Variants in STON2 observed in about 807,000 individuals in gnomAD.
STON2 encodes stonin-2.
Under a neutral mutation model 65.7 loss-of-function variants are expected in STON2, and 29 were observed. The observed-to-expected ratio is 0.44, with a 90% CI of 0.33 to 0.60. STON2 has a LOEUF of 0.60. Ranked by LOEUF, STON2 falls within the 20% of genes least tolerant of loss-of-function variation. STON2 has a pLI of 0.03. For missense variants in STON2, 1,054 were observed against 1,118.1 expected (o/e 0.94, Z 0.82); for synonymous variants, 404 against 414.2 (o/e 0.98, Z 0.30).
At chr14:81,379,349 C>T (rs2140389921) in intron 3 of STON2, among the ~76,000 whole-genome samples, 1 of 151,800 alleles carries the variant, frequency 6.6e-6, no homozygotes, top group East Asian at 1.9e-4. Context: ...GGAAGTATTT[C>T]TAAAGTTTAT....
intron 5 of STON2, among the ~76,000 whole-genome samples, chr14:81,297,624 T>A (rs992423540): frequency 6.6e-6 from 1 of 152,252 alleles, no homozygotes; most frequent in Non-Finnish European, 1.5e-5. Context: ...TTTAAATTAT[T>A]TTCATTATTA....
chr14:81,398,282 A>T lies in STON2; in HGVS notation c.88+13T>A. The T allele has an allele frequency of 1.3e-6, 2 of 1,597,286 alleles. No homozygotes were observed. The highest frequency in any genetic ancestry group is 1.7e-6 in the Non-Finnish European group (2 of 1,167,062). ...ACAATCTCTTCACTTTAGGAAACGA[A>T]GGCACTCCTTACCCTGCGAGTGGGC... On this transcript the variant is annotated intron_variant, in intron 2 of 7. Coordinates refer to ENST00000614646, the MANE Select transcript of STON2 (RefSeq NM_001394390.1).
In STON2 at chr14:81,308,781, CATATATATATATATATATAT is replaced by C. The variant is rs57821672; in HGVS notation, c.742+15216_742+15235del. 6.5e-4 allele frequency among the ~76,000 whole-genome samples: 6 copies of C among 9,178 alleles called. 1 individual carries two copies. The East Asian group carries it at 8.7e-3, about 13-fold the overall frequency. 6.0% of individuals were successfully genotyped at this position (9,178 alleles called of 152,430 possible). Reference sequence around the variant, plus strand: ...TTCACCCAGAGGACATGGTTTTACCCATATATATATATATATATATATATATATATATATATATATATATG... The same window carrying C: ...TTCACCCAGAGGACATGGTTTTACCCATATATATATATATATATATATATG... On this transcript the variant is annotated intron_variant, in intron 5 of 7. Coordinates refer to ENST00000614646, the MANE Select transcript of STON2 (RefSeq NM_001394390.1).
At chr14:81,300,361 T>C (rs1398297521) in intron 5 of STON2, among the ~76,000 whole-genome samples, 23 of 152,012 alleles carry the variant, frequency 1.5e-4, no homozygotes, top group Admixed American at 1.4e-3. Flanking sequence ...GAAAAATATC[T>C]CCATGACCTT....
chr14:81,281,767 A>G (rs1595288395), intron 5 of STON2, among the ~76,000 whole-genome samples: 1 of 152,222 alleles, frequency 6.6e-6, no homozygotes, highest in Non-Finnish European at 1.5e-5. Context: ...GCCAAGTCCT[A>G]AACAGTTTTG....
chr14:81,302,520 T>C (rs1450671027), intron 5 of STON2, among the ~76,000 whole-genome samples: 1 of 152,262 alleles, frequency 6.6e-6, no homozygotes, highest in East Asian at 1.9e-4. Context: ...GGTTCTATAC[T>C]GACATTTCTA....
At chr14:81,408,969 T>C (rs80314247) in intron 2 of STON2, among the ~76,000 whole-genome samples, 4,207 of 152,336 alleles carry the variant, frequency 0.028, 209 homozygotes, top group African/African-American at 0.096. Context: ...TTAACTCCAC[T>C]TCATATTTTT....
intron 5 of STON2, among the ~76,000 whole-genome samples, chr14:81,296,339 G>A (rs1895760337): frequency 6.6e-6 from 1 of 152,170 alleles, no homozygotes. Flanking sequence ...TTTGATTCCT[G>A]TTGACATTTA....
chr14:81,410,933 G>C (rs550138010), intron 2 of STON2, among the ~76,000 whole-genome samples: 103 of 152,180 alleles, frequency 6.8e-4, no homozygotes, highest in Non-Finnish European at 1.1e-3. Flanking sequence ...AATAAACAAA[G>C]ACAATGCAAA....
intron 1 of STON2, among the ~76,000 whole-genome samples, chr14:81,433,388 G>A (rs1902291992): frequency 6.6e-6 from 1 of 152,152 alleles, no homozygotes; most frequent in Non-Finnish European, 1.5e-5. Flanking sequence ...ATCTGACCCT[G>A]TCAAAGCCCA....
At chr14:81,280,941 A>G (rs1037765873) in intron 5 of STON2, among the ~76,000 whole-genome samples, 2 of 151,484 alleles carry the variant, frequency 1.3e-5, no homozygotes, top group South Asian at 2.1e-4. Context: ...AACCTGGGAG[A>G]CAGAGGTTGC....
At chr14:81,391,479 G>C (rs1900075990) in intron 3 of STON2, among the ~76,000 whole-genome samples, 1 of 152,186 alleles carries the variant, frequency 6.6e-6, no homozygotes, top group Non-Finnish European at 1.5e-5. Context: ...TCTCTCCTGT[G>C]TAATTGGCCT....
At chr14:81,424,037 A>G (rs762243662) in intron 2 of STON2, among the ~76,000 whole-genome samples, 1 of 152,248 alleles carries the variant, frequency 6.6e-6, no homozygotes, top group Non-Finnish European at 1.5e-5. Context: ...GTATGTTATG[A>G]AATGCCACAG....
rs528920023 is a variant in STON2, at chr14:81,268,619, C to T, written c.2785-122G>A. On this transcript the variant is annotated intron_variant, in intron 7 of 7. Transcript: ENST00000614646. Reference sequence around the variant, plus strand: ...CTTATAATTTTGCTAACATTTTGGGCGTTAGCCACATTGGAGCTACTGGCC... The same window carrying T: ...CTTATAATTTTGCTAACATTTTGGGTGTTAGCCACATTGGAGCTACTGGCC... 6.2e-4 allele frequency: 768 copies of T among 1,241,492 alleles called. 8 individuals carry two copies. In the South Asian group the frequency reaches 9.5e-3, roughly 15 times the overall value. The allele number at this position is 1,241,492 out of a possible 1,614,324, so 76.9% of individuals were successfully genotyped here.
chr14:81,332,795 G>A (rs1329741567), intron 4 of STON2, among the ~76,000 whole-genome samples: 2 of 152,136 alleles, frequency 1.3e-5, no homozygotes, highest in Non-Finnish European at 2.9e-5. Flanking sequence ...TATCCATTAA[G>A]CATATTTATT....
Position 81,261,695 on chromosome 14 carries a change from G to T in STON2, c.*6719C>A. ...CTCATTGATTATCCTATCATCCCCA[G>T]TACTTGGAGGGTTAGACCTACTTCT... On this transcript the variant is annotated 3_prime_UTR_variant, in exon 8 of 8. Transcript: ENST00000614646. The T allele has an allele frequency of 1.6e-6, 2 of 1,248,186 alleles. No homozygotes were observed. Among genetic ancestry groups the T allele is most frequent in the South Asian group, 2.1e-5 (1 of 48,514 alleles). 77.3% of individuals were successfully genotyped at this position (1,248,186 alleles called of 1,614,324 possible).
intron 5 of STON2, among the ~76,000 whole-genome samples, chr14:81,303,971 G>C (rs547812175): frequency 6.6e-6 from 1 of 152,146 alleles, no homozygotes; most frequent in South Asian, 2.1e-4. Context: ...CCTCTTCCCC[G>C]ACCGTGAATA....
At chr14:81,338,535 T>G (rs78728740) in intron 4 of STON2, among the ~76,000 whole-genome samples, 1,924 of 152,220 alleles carry the variant, frequency 0.013, 35 homozygotes, top group African/African-American at 0.043. Context: ...TCTGTGAACC[T>G]CTCTAGCAAA....
At chr14:81,329,102 GT>G (rs1367200084) in intron 4 of STON2, among the ~76,000 whole-genome samples, 1 of 152,170 alleles carries the variant, frequency 6.6e-6, no homozygotes, top group African/African-American at 2.4e-5. Context: ...ATGTAATCAA[GT>G]TAAGACGAGG....
Sources: gnomAD v4.1 joint callset for allele counts (sites outside exome capture counted in the v4.1 genomes callset) on GRCh38, gnomAD v4.1.1 for gene constraint, MANE v1.5 for transcripts, NCBI Gene and HGNC (gene_info 2026-07-23, HGNC 2026-07-21) for gene names.